MYORG: variants seen among roughly 807,000 people sequenced by gnomAD.
MYORG encodes the protein myogenesis regulating glycosidase.
MYORG carries 45 observed loss-of-function variants against 49.8 expected under a neutral mutation model. The observed-to-expected ratio is 0.90, with a 90% CI of 0.71 to 1.16. The LOEUF (loss-of-function observed/expected upper bound fraction) is 1.16. MYORG is among the 50% of genes most tolerant of loss of function. The pLI is 0.00. For synonymous variants in MYORG, 552 were observed against 462.9 expected (o/e 1.19, Z -2.47); for missense variants, 1,110 against 1,026.5 (o/e 1.08, Z -1.11).
rs762948413 is a variant in MYORG, at chr9:34,372,509, G to A, written c.435C>T (p.Phe145=). The A allele has an allele frequency of 1.2e-5, 20 of 1,601,100 alleles. No individual in the cohort carries two copies. In the Middle Eastern group the frequency reaches 5.0e-4, roughly 40 times the overall value. ...CCTTGGGCCGCACAGTCTGGATGAA[G>A]AAGTGCAGCGGCAGCCCGTCGGCCG... ...SLTADGLPLH[F]FIQTVRPKDT... Residue 145 remains phenylalanine (F), a synonymous_variant, in exon 2 of 2, where the codon TTC becomes TTT. Transcript: ENST00000297625.
At chr9:34,375,777 T>C (rs1210107977) in intron 1 of MYORG, among the ~76,000 whole-genome samples, 1 of 152,202 alleles carries the variant, frequency 6.6e-6, no homozygotes, top group East Asian at 1.9e-4. Context: ...TTTTCTGGGA[T>C]CTGAAGTTCT....
In MYORG at chr9:34,372,640, T is replaced by C; in HGVS notation, c.304A>G (p.Ile102Val). ...LLDLKAGGFS[I>V]RNQKGEQVFR... ...ACCTGCTCTCCCTTCTGATTGCGGA[T>C]GGAGAAGCCGCCAGCTTTCAGGTCC... The change falls in exon 2 of 2, where the codon ATC becomes GTC. Residue 102 changes from isoleucine to valine, a missense_variant. Ile to Val is a conservative substitution (Grantham distance 29). Coordinates refer to ENST00000297625, the MANE Select transcript of MYORG (RefSeq NM_020702.5). 8 of 1,607,162 alleles carry C rather than the reference T, an allele frequency of 5.0e-6. No individual in the cohort carries two copies. Among genetic ancestry groups the C allele is most frequent in the Non-Finnish European group, 6.8e-6 (8 of 1,177,048 alleles).
Position 34,370,705 on chromosome 9 carries a change from G to C in MYORG, c.*94C>G, listed in dbSNP as rs1034811174. 7.6e-7 allele frequency: 1 copy of C among 1,309,126 alleles called. No homozygotes were observed. Among genetic ancestry groups the C allele is most frequent in the Middle Eastern group, 2.2e-4 (1 of 4,606 alleles). The allele number at this position is 1,309,126 out of a possible 1,614,324, so 81.1% of individuals were successfully genotyped here. ...CCACTTAATGGGTGGTATAGAGGTGGGAGGTTCCTGGGAGTACATGGTGCG... is the reference window on the plus strand; with the variant it reads ...CCACTTAATGGGTGGTATAGAGGTGCGAGGTTCCTGGGAGTACATGGTGCG... On this transcript the variant is annotated 3_prime_UTR_variant, in exon 2 of 2. Transcript: ENST00000297625.
rs751012590 is a variant in MYORG, at chr9:34,371,120, G to A, written c.1824C>T (p.Ala608=). 6 of 1,607,468 alleles carry A rather than the reference G, an allele frequency of 3.7e-6. No individual in the cohort carries two copies. The highest frequency in any genetic ancestry group is 2.7e-5 in the African/African-American group (2 of 74,934). The stretch of plus-strand genomic sequence containing the variant: ...GTGCCACAAGCGAGGCCCGCAGGGC[G>A]GCGAACTTCTGCGCGATGGCCACCA... The part of the protein sequence containing the change: ...AEVVAIAQKF[A]ALRASLVAPL... Residue 608 remains alanine, a synonymous_variant, in exon 2 of 2, where the codon GCC becomes GCT. Coordinates refer to ENST00000297625, the MANE Select transcript of MYORG (RefSeq NM_020702.5).
rs754550729 is a variant in MYORG at position 34,370,938 on chromosome 9, C to G, written c.2006G>C (p.Gly669Ala). ...TLLVAPVLEPGKQERDVYLPA... is the reference protein window; with the variant it reads ...TLLVAPVLEPAKQERDVYLPA... ...CAAATAGACGTCGCGCTCCTGCTTG[C>G]CTGGCTCCAGCACCGGGGCCACAAG... The change falls in exon 2 of 2, where the codon GGC (glycine) becomes GCC (alanine). Residue 669 changes from glycine (G) to alanine (A), a missense_variant. Transcript: ENST00000297625. 72 of 1,613,344 alleles carry G rather than the reference C, an allele frequency of 4.5e-5. No homozygotes were observed. The highest frequency in any genetic ancestry group is 5.8e-5 in the Non-Finnish European group (69 of 1,179,790).
At position 34,370,762 on chromosome 9, in the gene MYORG, G is replaced by T; in HGVS notation, c.*37C>A. The T allele has an allele frequency of 2.6e-6, 4 of 1,530,424 alleles. No homozygotes were observed. In the South Asian group the frequency reaches 3.8e-5, roughly 15 times the overall value. 94.8% of individuals were successfully genotyped at this position (1,530,424 alleles called of 1,614,324 possible). A position where few individuals can be genotyped will look rare whatever the true frequency, so the allele number is the denominator to read the frequency against. On this transcript the variant is annotated 3_prime_UTR_variant, in exon 2 of 2. Coordinates refer to ENST00000297625, the MANE Select transcript of MYORG (RefSeq NM_020702.5). Reference sequence around the variant, plus strand: ...ACGGAGGGTTCAAGGTCTGCATGAAGACTGGGGGCTTTGCGGTTACCGGGC... The same window carrying T: ...ACGGAGGGTTCAAGGTCTGCATGAATACTGGGGGCTTTGCGGTTACCGGGC...
In MYORG at chr9:34,372,275, GC is replaced by G; in HGVS notation, c.668del (p.Gly223AlafsTer57). The G allele has an allele frequency of 6.2e-7, 1 of 1,610,686 alleles. No individual in the cohort carries two copies. Among genetic ancestry groups the G allele is most frequent in the Non-Finnish European group, 8.5e-7 (1 of 1,178,948 alleles). The part of the protein sequence containing the change: ...DVYSSDAAFG[G>X]ILERYWLSSR... Reference sequence around the variant, plus strand: ...AAGATAGCCAGTAGCGCTCGAGGATGCCCCCAAACGCGGCGTCGGAGGAGTA... The same window carrying G: ...AAGATAGCCAGTAGCGCTCGAGGATGCCCCAAACGCGGCGTCGGAGGAGTA... On this transcript the variant is annotated frameshift_variant, in exon 2 of 2. Transcript: ENST00000297625. LOFTEE classifies it high-confidence loss of function.
rs571477006 is a variant in MYORG at position 34,376,820 on chromosome 9, G to T, written c.-91C>A. 3 of 152,198 alleles carry T rather than the reference G, an allele frequency of 2.0e-5. No individual in the cohort carries two copies. Among genetic ancestry groups the T allele is most frequent in the Non-Finnish European group, 4.4e-5 (3 of 68,054 alleles). 9.4% of individuals were successfully genotyped at this position (152,198 alleles called of 1,614,324 possible). ...ATTGCAGTTACAGCCCGGCAGAAGC[G>T]GGGGTGAAAGAGCTTCCCGCCGATC... On this transcript the variant is annotated 5_prime_UTR_variant, in exon 1 of 2. Coordinates refer to ENST00000297625, the MANE Select transcript of MYORG (RefSeq NM_020702.5). The surrounding 1 kb of genome is among the most constrained non-coding windows in gnomAD (Gnocchi z 4.4).
At chr9:34,374,029 C>T (rs1820683368) in intron 1 of MYORG, among the ~76,000 whole-genome samples, 1 of 152,180 alleles carries the variant, frequency 6.6e-6, no homozygotes, top group South Asian at 2.1e-4. Flanking sequence ...TCAAACTCAC[C>T]CTGCTCTCAG....
In MYORG at chr9:34,370,449, T is replaced by C. The variant is rs1043322439; in HGVS notation, c.*350A>G. ...AAAGCCAGGAGGGGGAGGTTTCTCT[T>C]TGTGCTTTTAAACCCCAACCATGTA... is the stretch of plus-strand genomic sequence containing the variant. On this transcript the variant is annotated 3_prime_UTR_variant, in exon 2 of 2. Coordinates refer to ENST00000297625, the MANE Select transcript of MYORG (RefSeq NM_020702.5). 2 of 200,888 alleles carry C rather than the reference T, an allele frequency of 1.0e-5. No individual in the cohort carries two copies. Among genetic ancestry groups the C allele is most frequent in the Non-Finnish European group, 2.0e-5 (2 of 99,466 alleles). 12.4% of individuals were successfully genotyped at this position (200,888 alleles called of 1,614,324 possible). A position where few individuals can be genotyped will look rare whatever the true frequency, so the allele number is the denominator to read the frequency against.
At position 34,372,065 on chromosome 9, in the gene MYORG, G is replaced by A. The variant is rs1456738264; in HGVS notation, c.879C>T (p.His293=). Residue 293 remains histidine, a synonymous_variant, in exon 2 of 2, where the codon CAC becomes CAT. Transcript: ENST00000297625. ...VCVGSDVTSI[H]KYMVRRYFNK... ...TGAAGTAGCGACGCACCATGTACTT[G>A]TGGATGGAGGTGACGTCTGAGCCCA... The A allele has an allele frequency of 6.2e-7, 1 of 1,613,660 alleles. No individual in the cohort carries two copies. Among genetic ancestry groups the A allele is most frequent in the Non-Finnish European group, 8.5e-7 (1 of 1,179,866 alleles).
In MYORG at chr9:34,372,453, T is replaced by G. The variant is rs745363481; in HGVS notation, c.491A>C (p.Glu164Ala). 1 of 1,586,450 alleles carries G rather than the reference T, an allele frequency of 6.3e-7. No individual in the cohort carries two copies. The highest frequency in any genetic ancestry group is 1.7e-4 in the Middle Eastern group (1 of 5,980). The change falls in exon 2 of 2, where the codon GAG becomes GCG. Residue 164 changes from glutamate (E) to alanine (A), a missense_variant. Transcript: ENST00000297625. ...CACGGCCCGGCCCGGCGCTGCCTCCTCCCAGCGCACGCGGTAGCACATGAC... is the reference window on the plus strand; with the variant it reads ...CACGGCCCGGCCCGGCGCTGCCTCCGCCCAGCGCACGCGGTAGCACATGAC... ...DTVMCYRVRW[E>A]EAAPGRAVEH...
At position 34,372,070 on chromosome 9, in the gene MYORG, TG is replaced by T; in HGVS notation, c.873del (p.Ile292SerfsTer142). On this transcript the variant is annotated frameshift_variant, in exon 2 of 2. Transcript: ENST00000297625. LOFTEE classifies it high-confidence loss of function. Reference sequence around the variant, plus strand: ...TAGCGACGCACCATGTACTTGTGGATGGAGGTGACGTCTGAGCCCACGCACA... The same window carrying T: ...TAGCGACGCACCATGTACTTGTGGATGAGGTGACGTCTGAGCCCACGCACA... ...YRVCVGSDVT[S>X]IHKYMVRRYF... The T allele has an allele frequency of 6.2e-7, 1 of 1,613,702 alleles. No individual in the cohort carries two copies. Among genetic ancestry groups the T allele is most frequent in the Non-Finnish European group, 8.5e-7 (1 of 1,179,850 alleles).
Position 34,373,096 on chromosome 9 carries a change from G to A in MYORG, c.-63-90C>T, listed in dbSNP as rs1473815037. ...CAAGCTAAGAGGAGGTGTATACTTT[G>A]GGAAGATGAATACTGGAACCTGAGG... is the stretch of plus-strand genomic sequence containing the variant. On this transcript the variant is annotated intron_variant, in intron 1 of 1. Transcript: ENST00000297625. 7 of 946,018 alleles carry A rather than the reference G, an allele frequency of 7.4e-6. No homozygotes were observed. The African/African-American group carries it at 9.8e-5, about 13-fold the overall frequency. The allele number at this position is 946,018 out of a possible 1,614,324, so 58.6% of individuals were successfully genotyped here.
chr9:34,371,804 C>A lies in MYORG; in HGVS notation c.1140G>T (p.Leu380=). The change falls in exon 2 of 2, where the codon CTG becomes CTT. Residue 380 remains leucine (L), a synonymous_variant. Transcript: ENST00000297625. ...FPNASDMFRR[L]RDAGFRVTLW... is the part of the protein sequence containing the mutation. ...GCGTGACGCGGAAGCCGGCGTCGCG[C>A]AGGCGGCGGAACATGTCGCTGGCGT... 1 of 1,613,998 alleles carries A rather than the reference C, an allele frequency of 6.2e-7. No homozygotes were observed. The highest frequency in any genetic ancestry group is 8.5e-7 in the Non-Finnish European group (1 of 1,179,838).
At position 34,367,872 on chromosome 9, in the gene MYORG, G is replaced by A. The variant is rs1356477714; in HGVS notation, c.*2927C>T. 2.0e-5 allele frequency: 3 copies of A among 152,352 alleles called. No individual in the cohort carries two copies. The allele number at this position is 152,352 out of a possible 1,614,324, so 9.4% of individuals were successfully genotyped here. On this transcript the variant is annotated 3_prime_UTR_variant, in exon 2 of 2. Coordinates refer to ENST00000297625, the MANE Select transcript of MYORG (RefSeq NM_020702.5). ...GCTCTACTAGGCAGTGTCCCAGTGG[G>A]GTCTCTGTGTGGGGGCTTCCCCTTC...
Position 34,372,468 on chromosome 9 carries a change from TA to T in MYORG, c.475del (p.Tyr159ThrfsTer33). The stretch of plus-strand genomic sequence containing the variant: ...CGCTGCCTCCTCCCAGCGCACGCGG[TA>T]GCACATGACCGTGTCCTTGGGCCGC... ...TVRPKDTVMC[Y>X]RVRWEEAAPG... On this transcript the variant is annotated frameshift_variant, in exon 2 of 2. Transcript: ENST00000297625. LOFTEE classifies it high-confidence loss of function. 6.3e-7 allele frequency: 1 copy of T among 1,594,080 alleles called. No homozygotes were observed. Among genetic ancestry groups the T allele is most frequent in the Non-Finnish European group, 8.5e-7 (1 of 1,171,462 alleles).
chr9:34,374,472 C>T (rs1239878421), intron 1 of MYORG, among the ~76,000 whole-genome samples: 2 of 152,172 alleles, frequency 1.3e-5, no homozygotes, highest in African/African-American at 4.8e-5. Flanking sequence ...CTTTAGGCCA[C>T]CTGCTTCAGG....
rs762732027 is a variant in MYORG, at chr9:34,371,263, G to A, written c.1681C>T (p.Gln561Ter). ...PDMVGGNAVP[Q>*]RTAGGDVPER... ...GGCACATCGCCGCCGGCTGTCCGCT[G>A]GGGCACGGCGTTGCCGCCCACCATA... Residue 561 changes from glutamine to a stop codon, truncating the protein, a stop_gained, in exon 2 of 2, where the codon CAG (glutamine) becomes TAG (stop). Coordinates refer to ENST00000297625, the MANE Select transcript of MYORG (RefSeq NM_020702.5). LOFTEE classifies it high-confidence loss of function. 8 of 1,608,644 alleles carry A rather than the reference G, an allele frequency of 5.0e-6. No individual in the cohort carries two copies. Among genetic ancestry groups the A allele is most frequent in the Non-Finnish European group, 5.9e-6 (7 of 1,177,856 alleles).
Sources: allele counts gnomAD v4.1 joint callset (sites outside exome capture counted in the v4.1 genomes callset), GRCh38; gene constraint gnomAD v4.1.1; non-coding constraint Gnocchi (gnomAD v3.1); transcripts MANE v1.5; gene names NCBI Gene and HGNC (gene_info 2026-07-23, HGNC 2026-07-21).